The following SMC6 variants were observed in gnomAD, a reference collection of about 807,000 sequenced individuals.
SMC6 encodes the protein structural maintenance of chromosomes protein 6.
A neutral mutation model predicts 142.2 loss-of-function variants in SMC6; 79 were observed. The observed-to-expected ratio is 0.56, with a 90% CI of 0.46 to 0.67. SMC6 has a LOEUF of 0.67. Ranked by LOEUF, SMC6 falls within the 30% of genes least tolerant of loss-of-function variation. The probability of loss-of-function intolerance (pLI) is 0.00; values close to 1 mark genes in which losing one functional copy is unlikely to be tolerated. For missense variants in SMC6, 1,072 were observed against 1,284.0 expected (o/e 0.83, Z 2.52); for synonymous variants, 411 against 412.4 (o/e 1.00, Z 0.04).
At position 17,733,421 on chromosome 2, in the gene SMC6, G is replaced by A. The variant is rs570180531; in HGVS notation, c.345-1544C>T. On this transcript the variant is annotated intron_variant, in intron 5 of 27. Transcript: ENST00000448223. The stretch of plus-strand genomic sequence containing the variant: ...TTAAAAAATCAAACTAAGAAAATGT[G>A]GTTAAAAAAATTTCAGAATTCTGTA... Among the ~76,000 whole-genome samples, 4 of 152,186 alleles carry A rather than the reference G, an allele frequency of 2.6e-5. No homozygotes were observed. The South Asian group carries it at 6.2e-4, about 24-fold the overall frequency.
chr2:17,675,423 T>C (rs917315096), intron 25 of SMC6, among the ~76,000 whole-genome samples: 4 of 152,084 alleles, frequency 2.6e-5, no homozygotes, highest in African/African-American at 9.6e-5. Flanking sequence ...TATTTACCCA[T>C]AGATTTACCT....
intron 19 of SMC6, among the ~76,000 whole-genome samples, chr2:17,702,185 T>A (rs1327715393): frequency 6.6e-6 from 1 of 152,128 alleles, no homozygotes; most frequent in Non-Finnish European, 1.5e-5. Flanking sequence ...CGAGAAAAAT[T>A]TTTCTGAAAC....
intron 21 of SMC6, among the ~76,000 whole-genome samples, chr2:17,697,447 A>T (rs1668057846): frequency 2.0e-5 from 3 of 152,070 alleles, no homozygotes; most frequent in Admixed American, 2.0e-4. Context: ...CATTTACTAT[A>T]CCATGAAAAA....
chr2:17,718,520 A>G (rs1669219826), intron 11 of SMC6, among the ~76,000 whole-genome samples: 1 of 152,204 alleles, frequency 6.6e-6, no homozygotes, highest in Admixed American at 6.5e-5. Flanking sequence ...AACTGATGAT[A>G]CATTCTGTAT....
intron 26 of SMC6, among the ~76,000 whole-genome samples, chr2:17,667,565 T>C (rs752796332): frequency 6.6e-6 from 1 of 152,208 alleles, no homozygotes; most frequent in Non-Finnish European, 1.5e-5. Context: ...ATACTATATG[T>C]GGTGCCGGGC....
chr2:17,695,152 C>G lies in SMC6; in HGVS notation c.2678G>C (p.Arg893Thr), dbSNP rs1376686260. 3 of 1,612,368 alleles carry G rather than the reference C, an allele frequency of 1.9e-6. No homozygotes were observed. In the African/African-American group the frequency reaches 4.0e-5, roughly 22 times the overall value. ...AGCAGAAAAGCTACCAGCTACTTAC[C>G]TCATTATTTCCTCTCGATCTCCATG... The part of the protein sequence containing the change: ...ASHGDREEIM[R>T]QYQEARETYL... Residue 893 changes from arginine to threonine, a missense_variant and splice_region_variant, in exon 23 of 28, where the codon AGG becomes ACG. Arg to Thr is a moderately conservative substitution (Grantham distance 71). This residue lies in a region of SMC6 where 994 missense variants were observed against 1,153.2 expected (regional missense o/e 0.86). Transcript: ENST00000448223.
chr2:17,703,006 C>T (rs997311868), intron 19 of SMC6, 151 bp downstream of exon 19: 43 of 412,512 alleles, frequency 1.0e-4, no homozygotes, highest in South Asian at 4.8e-4. Flanking sequence ...ACAGATATAC[C>T]CACATAAATG....
chr2:17,741,531 T>C (rs889466109), intron 4 of SMC6, 81 bp downstream of exon 4: 13 of 790,600 alleles, frequency 1.6e-5, no homozygotes, highest in Non-Finnish European at 2.5e-5. Context: ...TTAGCACTAA[T>C]AGTCACCTAT....
chr2:17,726,190 A>C (rs1239603511), intron 8 of SMC6, among the ~76,000 whole-genome samples, 199 bp downstream of exon 8: 1 of 151,584 alleles, frequency 6.6e-6, no homozygotes, highest in African/African-American at 2.4e-5. Flanking sequence ...AAAAGCCAAA[A>C]AGTAAAAACA....
chr2:17,686,003 T>C (rs1336792449), intron 23 of SMC6, among the ~76,000 whole-genome samples: 3 of 152,080 alleles, frequency 2.0e-5, no homozygotes, highest in Non-Finnish European at 4.4e-5. Flanking sequence ...CTTAAATATA[T>C]GAAAAAATGT....
intron 7 of SMC6, among the ~76,000 whole-genome samples, chr2:17,730,723 C>T (rs897482520): frequency 1.3e-5 from 2 of 151,652 alleles, no homozygotes; most frequent in African/African-American, 4.8e-5. Context: ...CTGCCTCAGC[C>T]TCCCAAGTAG....
intron 18 of SMC6, among the ~76,000 whole-genome samples, chr2:17,703,746 T>C (rs1015739090): frequency 6.7e-4 from 102 of 152,262 alleles, no homozygotes; most frequent in African/African-American, 2.3e-3. Context: ...CTCTTTTCTG[T>C]AGCTAACTGT....
rs1669336365 is a variant in SMC6 at position 17,720,930 on chromosome 2, CTG to C, written c.945+8_945+9del. 1.2e-6 allele frequency: 2 copies of C among 1,608,368 alleles called. No individual in the cohort carries two copies. The highest frequency in any genetic ancestry group is 1.7e-6 in the Non-Finnish European group (2 of 1,176,204). The stretch of plus-strand genomic sequence containing the variant: ...AACCTATTAAATCTGCATTTAAAAA[CTG>C]TAATTACCTGCTGTTCTTCCATTTT... On this transcript the variant is annotated splice_region_variant and intron_variant, in intron 11 of 27. Transcript: ENST00000448223.
intron 16 of SMC6, among the ~76,000 whole-genome samples, chr2:17,710,971 G>A (rs1668798672): frequency 6.6e-6 from 1 of 152,112 alleles, no homozygotes; most frequent in African/African-American, 2.4e-5. Flanking sequence ...GGGTATGGGT[G>A]CTCTAGAAAC....
intron 11 of SMC6, 101 bp downstream of exon 11, chr2:17,720,839 A>C (rs1669330693): frequency 2.0e-6 from 2 of 976,870 alleles, no homozygotes; most frequent in East Asian, 2.5e-5. Context: ...ATAGACAAAT[A>C]TACTGTCTGA....
intron 2 of SMC6, among the ~76,000 whole-genome samples, chr2:17,748,856 TA>T (rs2125092174): frequency 1.3e-5 from 2 of 152,326 alleles, no homozygotes; most frequent in South Asian, 4.1e-4. Flanking sequence ...GATAACGCAC[TA>T]GGGAAAATGT....
intron 5 of SMC6, among the ~76,000 whole-genome samples, chr2:17,736,037 G>T (rs183712551): frequency 6.6e-6 from 1 of 152,242 alleles, no homozygotes; most frequent in East Asian, 1.9e-4. Context: ...AGTAAGAGCA[G>T]AACTAAAAAC....
intron 1 of SMC6, 62 bp downstream of exon 1, chr2:17,753,564 G>C (rs187116045): frequency 6.6e-6 from 1 of 152,124 alleles, no homozygotes; most frequent in Admixed American, 6.6e-5. Context: ...CAGCCAAGGG[G>C]GCAGCGGGCG....
intron 5 of SMC6, among the ~76,000 whole-genome samples, chr2:17,734,622 C>T (rs1310174800): frequency 6.6e-6 from 1 of 152,178 alleles, no homozygotes; most frequent in Non-Finnish European, 1.5e-5. Flanking sequence ...CTCTTGATTA[C>T]CAAACACCTA....
Sources: allele counts gnomAD v4.1 joint callset (sites outside exome capture counted in the v4.1 genomes callset), GRCh38; gene constraint gnomAD v4.1.1; regional missense constraint gnomAD v4.1.1; transcripts MANE v1.5; gene names NCBI Gene and HGNC (gene_info 2026-07-23, HGNC 2026-07-21).